The following DYNC1I1 variants were observed in gnomAD, a reference collection of about 807,000 sequenced individuals.
The protein encoded by DYNC1I1 is dynein cytoplasmic 1 intermediate chain 1, also known as cytoplasmic dynein 1 intermediate chain 1.
A neutral mutation model predicts 86.6 loss-of-function variants in DYNC1I1; 43 were observed. The ratio of observed to expected loss-of-function variants is 0.50; its 90% CI spans 0.39 to 0.64. The LOEUF (loss-of-function observed/expected upper bound fraction) is 0.64. Among genes scored for constraint, DYNC1I1 ranks in the 30% least tolerant of loss-of-function variants. The pLI is 0.00. For synonymous variants in DYNC1I1, 262 were observed against 283.7 expected (o/e 0.92, Z 0.77); for missense variants, 604 against 788.8 (o/e 0.77, Z 2.81).
At chr7:95,904,437 G>A (rs1341190035) in intron 6 of DYNC1I1, among the ~76,000 whole-genome samples, 1 of 152,140 alleles carries the variant, frequency 6.6e-6, no homozygotes, top group Non-Finnish European at 1.5e-5. Flanking sequence ...TCAGCATTGA[G>A]AAATTGGTCA....
chr7:96,067,163 G>A (rs768616531), intron 14 of DYNC1I1, among the ~76,000 whole-genome samples: 9 of 151,872 alleles, frequency 5.9e-5, no homozygotes, highest in South Asian at 2.1e-4. Context: ...AGCTATCACC[G>A]GCATCTAGAC....
chr7:95,875,512 A>G (rs922752210), intron 6 of DYNC1I1, among the ~76,000 whole-genome samples: 2 of 152,298 alleles, frequency 1.3e-5, no homozygotes, highest in East Asian at 1.9e-4. Flanking sequence ...CCCTGTTAGT[A>G]TGTTCCATTA....
chr7:96,092,845 T>G (rs1790887844), intron 16 of DYNC1I1, among the ~76,000 whole-genome samples: 1 of 152,184 alleles, frequency 6.6e-6, no homozygotes, highest in Non-Finnish European at 1.5e-5. Flanking sequence ...TTAGAAGATT[T>G]AAAACAATCT....
chr7:95,780,773 G>C (rs1260582586), intron 1 of DYNC1I1, among the ~76,000 whole-genome samples: 2 of 152,182 alleles, frequency 1.3e-5, no homozygotes, highest in African/African-American at 2.4e-5. Flanking sequence ...AAATGAGCCT[G>C]AGTGCAGGGG....
At chr7:95,986,528 T>C (rs552112488) in intron 8 of DYNC1I1, among the ~76,000 whole-genome samples, 1 of 152,296 alleles carries the variant, frequency 6.6e-6, no homozygotes, top group East Asian at 1.9e-4. Context: ...AATCCTCCAC[T>C]GTCTACCACG....
At chr7:95,944,683 AC>A (rs1392842291) in intron 6 of DYNC1I1, among the ~76,000 whole-genome samples, 1 of 152,202 alleles carries the variant, frequency 6.6e-6, no homozygotes, top group Non-Finnish European at 1.5e-5. Flanking sequence ...ACCATGGAAT[AC>A]TATGCAGCCA....
At chr7:95,969,145 A>G (rs1010683191) in intron 6 of DYNC1I1, among the ~76,000 whole-genome samples, 6 of 152,190 alleles carry the variant, frequency 3.9e-5, no homozygotes, top group African/African-American at 7.2e-5. Flanking sequence ...TTGGATTATC[A>G]TTATGTAGTC....
At position 96,039,494 on chromosome 7, in the gene DYNC1I1, G is replaced by C; in HGVS notation, c.1509+73G>C. On this transcript the variant is annotated intron_variant, in intron 14 of 16. Coordinates refer to ENST00000447467, the MANE Select transcript of DYNC1I1 (RefSeq NM_001135556.2). ...GATGGTTTTTCATTCCCTGGAAACAGTTGTCCCTAAAGCCTCTTCCAGGCA... is the reference window on the plus strand; with the variant it reads ...GATGGTTTTTCATTCCCTGGAAACACTTGTCCCTAAAGCCTCTTCCAGGCA... 5 of 1,597,932 alleles carry C rather than the reference G, an allele frequency of 3.1e-6. No individual in the cohort carries two copies. In the South Asian group the frequency reaches 5.5e-5, roughly 18 times the overall value.
intron 9 of DYNC1I1, among the ~76,000 whole-genome samples, chr7:95,987,671 A>G (rs1282084473): frequency 6.6e-6 from 1 of 152,090 alleles, no homozygotes; most frequent in Non-Finnish European, 1.5e-5. Context: ...GATCTCTTCC[A>G]CTGCTAAGGA....
chr7:95,817,681 T>G (rs1353803959), intron 4 of DYNC1I1, among the ~76,000 whole-genome samples: 1 of 152,172 alleles, frequency 6.6e-6, no homozygotes, highest in Admixed American at 6.5e-5. Context: ...CATAAAATTA[T>G]TAAACATGAC....
intron 10 of DYNC1I1, among the ~76,000 whole-genome samples, chr7:96,001,065 A>C (rs1240594091): frequency 6.6e-6 from 1 of 152,194 alleles, no homozygotes. Context: ...CATTTGCTGC[A>C]TCCCGTTAAT....
intron 14 of DYNC1I1, among the ~76,000 whole-genome samples, chr7:96,068,847 C>A (rs1038210084): frequency 6.6e-6 from 1 of 151,972 alleles, no homozygotes; most frequent in Non-Finnish European, 1.5e-5. Flanking sequence ...GGGTTGTTAG[C>A]CAGATGTTAG....
chr7:95,775,619 G>A (rs1339224923), intron 1 of DYNC1I1, among the ~76,000 whole-genome samples: 1 of 152,200 alleles, frequency 6.6e-6, no homozygotes, highest in African/African-American at 2.4e-5. Flanking sequence ...ATTGGTAACT[G>A]TGAATAATAT....
intron 10 of DYNC1I1, among the ~76,000 whole-genome samples, chr7:96,001,348 A>T (rs117984801): frequency 1.3e-5 from 2 of 152,118 alleles, no homozygotes; most frequent in Non-Finnish European, 2.9e-5. Flanking sequence ...TCTCAGGAAG[A>T]TGGGTGTTCT....
chr7:95,991,713 G>C (rs1361535007), intron 9 of DYNC1I1, among the ~76,000 whole-genome samples: 2 of 152,086 alleles, frequency 1.3e-5, no homozygotes, highest in Non-Finnish European at 2.9e-5. Flanking sequence ...GATACCAAGA[G>C]GGGTCTCCTG....
intron 14 of DYNC1I1, among the ~76,000 whole-genome samples, chr7:96,044,798 C>T (rs777692790): frequency 6.6e-6 from 1 of 152,050 alleles, no homozygotes; most frequent in Non-Finnish European, 1.5e-5. Flanking sequence ...CTGAAGGGAG[C>T]AGATTTCAGC....
intron 6 of DYNC1I1, among the ~76,000 whole-genome samples, chr7:95,925,962 A>G (rs1249441355): frequency 1.3e-5 from 2 of 152,178 alleles, no homozygotes; most frequent in Non-Finnish European, 2.9e-5. Flanking sequence ...TGCATAAATT[A>G]AAGAAATCCA....
chr7:95,977,132 AACAGGTGT>A (rs1793325971), intron 6 of DYNC1I1, among the ~76,000 whole-genome samples: 1 of 152,192 alleles, frequency 6.6e-6, no homozygotes, highest in Non-Finnish European at 1.5e-5. Context: ...TCATCTGTAC[AACAGGTGT>A]TCCCTGTGGG....
intron 14 of DYNC1I1, among the ~76,000 whole-genome samples, chr7:96,065,518 C>T (rs1032564546): frequency 3.9e-5 from 6 of 151,952 alleles, no homozygotes; most frequent in African/African-American, 1.4e-4. Context: ...GCTGGGACTA[C>T]AGGCATTCAT....
Sources: gnomAD v4.1 joint callset for allele counts (sites outside exome capture counted in the v4.1 genomes callset) on GRCh38, gnomAD v4.1.1 for gene constraint, MANE v1.5 for transcripts, NCBI Gene and HGNC (gene_info 2026-07-23, HGNC 2026-07-21) for gene names.